Variants in ROBO2 observed in about 807,000 individuals in gnomAD.
ROBO2 encodes roundabout homolog 2.
Under a neutral mutation model 160.8 loss-of-function variants are expected in ROBO2, and 53 were observed. That is an observed-to-expected ratio of 0.33 (90% CI 0.26 to 0.41). ROBO2 has a LOEUF of 0.41. Among genes scored for constraint, ROBO2 ranks in the 10% least tolerant of loss-of-function variants. The pLI, the probability that ROBO2 is intolerant of heterozygous loss-of-function variation, is 1.00. For missense variants in ROBO2, 1,577 were observed against 1,722.4 expected (o/e 0.92, Z 1.49); for synonymous variants, 664 against 611.7 (o/e 1.09, Z -1.26).
At chr3:76,171,148 C>T (rs2107000227) in intron 2 of ROBO2, among the ~76,000 whole-genome samples, 1 of 152,204 alleles carries the variant, frequency 6.6e-6, no homozygotes, top group South Asian at 2.1e-4. Flanking sequence ...ATTACAGACA[C>T]TTGCCCTTAA....
At chr3:76,702,092 G>A (rs1247026237) in intron 2 of ROBO2, among the ~76,000 whole-genome samples, 3 of 151,878 alleles carry the variant, frequency 2.0e-5, no homozygotes, top group Non-Finnish European at 4.4e-5. Context: ...ATATGACCAT[G>A]TATTATATTT....
At chr3:76,261,202 GTATATATA>G (rs796253150) in intron 2 of ROBO2, among the ~76,000 whole-genome samples, 1 of 67,216 alleles carries the variant, frequency 1.5e-5, no homozygotes, top group African/African-American at 3.3e-5. Context: ...GTGTGTGTGT[GTATATATA>G]TATATAAATG....
At chr3:76,103,607 A>C (rs1051448892) in intron 2 of ROBO2, among the ~76,000 whole-genome samples, 2 of 152,194 alleles carry the variant, frequency 1.3e-5, no homozygotes, top group African/African-American at 2.4e-5. Flanking sequence ...GTCCACGTAC[A>C]TACTGGACCA....
intron 2 of ROBO2, among the ~76,000 whole-genome samples, chr3:75,989,227 C>G (rs1262193847): frequency 1.3e-5 from 2 of 152,088 alleles, no homozygotes; most frequent in African/African-American, 2.4e-5. Context: ...AAGCAATTCT[C>G]CTGCCTCAGC....
At chr3:76,605,604 A>C (rs918268368) in intron 2 of ROBO2, among the ~76,000 whole-genome samples, 9 of 152,182 alleles carry the variant, frequency 5.9e-5, no homozygotes, top group Non-Finnish European at 4.4e-5. Context: ...GTCAGATCAG[A>C]GTATTATACA....
At chr3:76,921,095 G>T (rs917652690) in intron 2 of ROBO2, among the ~76,000 whole-genome samples, 1 of 152,124 alleles carries the variant, frequency 6.6e-6, no homozygotes, top group Non-Finnish European at 1.5e-5. Flanking sequence ...CAAGCATCTT[G>T]CCAAAACATC....
intron 2 of ROBO2, among the ~76,000 whole-genome samples, chr3:77,351,327 T>A (rs1444029599): frequency 6.6e-6 from 1 of 152,192 alleles, no homozygotes; most frequent in African/African-American, 2.4e-5. Flanking sequence ...GAGTTAACAA[T>A]TCCTCTTTAA....
At chr3:77,385,111 C>A (rs949983284) in intron 2 of ROBO2, among the ~76,000 whole-genome samples, 5 of 152,182 alleles carry the variant, frequency 3.3e-5, no homozygotes, top group Admixed American at 3.3e-4. Flanking sequence ...CTCACTGCAA[C>A]CTCCGCCTCC....
chr3:77,471,443 C>T (rs2083338275), intron 2 of ROBO2, among the ~76,000 whole-genome samples: 1 of 152,184 alleles, frequency 6.6e-6, no homozygotes, highest in South Asian at 2.1e-4. Context: ...TGACTTGAGT[C>T]CTCAAGGGTT....
chr3:77,200,796 A>G (rs887883552), intron 2 of ROBO2, among the ~76,000 whole-genome samples: 1 of 152,164 alleles, frequency 6.6e-6, no homozygotes, highest in Non-Finnish European at 1.5e-5. Flanking sequence ...CAGTAACTGG[A>G]GGGCTGATAT....
At chr3:76,630,269 C>T (rs1045616587) in intron 2 of ROBO2, among the ~76,000 whole-genome samples, 2 of 152,066 alleles carry the variant, frequency 1.3e-5, no homozygotes, top group African/African-American at 4.8e-5. Flanking sequence ...TGTGTGTGAG[C>T]GTGCCCTGCA....
chr3:77,568,041 A>G (rs1249712783), intron 12 of ROBO2, among the ~76,000 whole-genome samples: 1 of 152,068 alleles, frequency 6.6e-6, no homozygotes, highest in African/African-American at 2.4e-5. Context: ...AAGTGATCTT[A>G]TACAACAGTG....
At chr3:77,425,703 C>T (rs1364462727) in intron 2 of ROBO2, among the ~76,000 whole-genome samples, 8 of 148,570 alleles carry the variant, frequency 5.4e-5, no homozygotes, top group African/African-American at 1.2e-4. Flanking sequence ...CTCTCTGTGT[C>T]GCCCAGGCTG....
At chr3:77,478,705 T>C (rs961075779) in intron 3 of ROBO2, among the ~76,000 whole-genome samples, 1 of 152,314 alleles carries the variant, frequency 6.6e-6, no homozygotes, top group African/African-American at 2.4e-5. Context: ...TGTGCCATTT[T>C]AATAAAAAAA....
Position 77,413,807 on chromosome 3 carries a change from C to T in ROBO2, c.389-63607C>T, listed in dbSNP as rs544749912. On this transcript the variant is annotated intron_variant, in intron 2 of 25. Coordinates refer to ENST00000461745, the Ensembl canonical transcript of ROBO2. The stretch of plus-strand genomic sequence containing the variant: ...ATTGCCACTTACTAAGATGGAAAGA[C>T]TGGAGAGAGATGCAAATGTTAATGG... 1.1e-4 allele frequency among the ~76,000 whole-genome samples: 16 copies of T among 152,230 alleles called. No individual in the cohort carries two copies. In the South Asian group the frequency reaches 3.3e-3, roughly 32 times the overall value.
At chr3:76,710,566 G>T (rs557627719) in intron 2 of ROBO2, among the ~76,000 whole-genome samples, 1 of 152,334 alleles carries the variant, frequency 6.6e-6, no homozygotes, top group South Asian at 2.1e-4. Context: ...TTTGGTTATA[G>T]AATGCCTTGG....
intron 2 of ROBO2, among the ~76,000 whole-genome samples, chr3:76,643,493 T>C (rs989082866): frequency 2.0e-5 from 3 of 152,186 alleles, no homozygotes; most frequent in South Asian, 2.1e-4. Flanking sequence ...TTAATAAGTA[T>C]ATACTGTCCT....
At chr3:76,411,660 A>G (rs1174517669) in intron 2 of ROBO2, among the ~76,000 whole-genome samples, 1 of 152,210 alleles carries the variant, frequency 6.6e-6, no homozygotes, top group East Asian at 1.9e-4. Context: ...AGTATCTCAT[A>G]CATTATTACA....
intron 2 of ROBO2, among the ~76,000 whole-genome samples, chr3:76,116,755 T>C (rs906815837): frequency 6.6e-6 from 1 of 152,204 alleles, no homozygotes; most frequent in Non-Finnish European, 1.5e-5. Flanking sequence ...GCAGGTGTTA[T>C]ACTGTTGTCA....
Sources: allele counts gnomAD v4.1 joint callset (sites outside exome capture counted in the v4.1 genomes callset), GRCh38; gene constraint gnomAD v4.1.1; transcripts MANE v1.5; gene names NCBI Gene and HGNC (gene_info 2026-07-23, HGNC 2026-07-21).